The following SPIRE1 variants were observed in gnomAD, a reference collection of about 807,000 sequenced individuals.
The protein encoded by SPIRE1 is spire type actin nucleation factor 1, also known as protein spire homolog 1.
In SPIRE1, 40 loss-of-function variants were observed where a neutral mutation model predicts 94.1. That is an observed-to-expected ratio of 0.43 (90% CI 0.33 to 0.55). SPIRE1 has a LOEUF of 0.55. SPIRE1 is among the 20% of genes least tolerant of loss of function. The pLI is 0.06. For synonymous variants in SPIRE1, 376 were observed against 371.7 expected (o/e 1.01, Z -0.13); for missense variants, 838 against 975.2 (o/e 0.86, Z 1.87).
chr18:12,658,253 G>A (rs565726100), upstream of SPIRE1: 631 of 465,808 alleles, frequency 1.4e-3, 8 homozygotes, highest in Non-Finnish European at 5.9e-4. Context: ...ATGGCCGCAC[G>A]GTCTCTAGCC....
intron 3 of SPIRE1, among the ~76,000 whole-genome samples, chr18:12,542,101 C>T (rs945929217): frequency 5.3e-5 from 8 of 151,928 alleles, no homozygotes; most frequent in African/African-American, 9.7e-5. Context: ...CCCAGCCTCC[C>T]GAGTAGCTGG....
Position 12,457,135 on chromosome 18 carries a change from T to G in SPIRE1, c.1639-2652A>C, listed in dbSNP as rs547963209. On this transcript the variant is annotated intron_variant, in intron 12 of 16. Transcript: ENST00000409402. ...CATGAGCAACCGCGCCTGGCCATCA[T>G]GAGATATAATTTAAAAATAGTAGAT... Among the ~76,000 whole-genome samples the G allele has an allele frequency of 7.9e-5, 12 of 152,300 alleles. No homozygotes were observed. The South Asian group carries it at 2.5e-3, about 32-fold the overall frequency.
upstream of SPIRE1, chr18:12,658,503 G>A: frequency 2.2e-6 from 1 of 456,522 alleles, no homozygotes; most frequent in Non-Finnish European, 4.6e-6. Context: ...ACTCTGGCGG[G>A]GAACTGGGCG....
At chr18:12,638,144 T>C (rs1401144125) in intron 1 of SPIRE1, among the ~76,000 whole-genome samples, 2 of 152,108 alleles carry the variant, frequency 1.3e-5, no homozygotes, top group Non-Finnish European at 2.9e-5. Flanking sequence ...AATCCATTCA[T>C]TTTATACATG....
At chr18:12,547,236 A>T (rs774095999) in intron 2 of SPIRE1, among the ~76,000 whole-genome samples, 3 of 152,222 alleles carry the variant, frequency 2.0e-5, no homozygotes, top group Non-Finnish European at 4.4e-5. Flanking sequence ...GAAAGACTGA[A>T]AACTCACTTA....
chr18:12,532,892 G>A (rs2034726171), intron 4 of SPIRE1, among the ~76,000 whole-genome samples: 1 of 152,198 alleles, frequency 6.6e-6, no homozygotes, highest in Non-Finnish European at 1.5e-5. Flanking sequence ...GAAGAAGGGT[G>A]TTTCAACAAG....
chr18:12,459,649 A>G, intron 12 of SPIRE1: 1 of 617,998 alleles, frequency 1.6e-6, no homozygotes, highest in African/African-American at 2.0e-5. Flanking sequence ...GATTGGAAGC[A>G]AAGTGCTATC....
intron 2 of SPIRE1, among the ~76,000 whole-genome samples, chr18:12,558,281 C>A (rs1336044634): frequency 6.6e-6 from 1 of 152,094 alleles, no homozygotes; most frequent in Non-Finnish European, 1.5e-5. Flanking sequence ...TGTTACAGTT[C>A]TTAAAAGCGG....
intron 10 of SPIRE1, 37 bp from the exon 11 acceptor site, chr18:12,464,995 A>G: frequency 6.4e-7 from 1 of 1,574,364 alleles, no homozygotes; most frequent in Non-Finnish European, 8.7e-7. Flanking sequence ...GACTTCTTAG[A>G]CATTTGTGCT....
At chr18:12,528,498 T>G (rs761597726) in intron 4 of SPIRE1, among the ~76,000 whole-genome samples, 1 of 152,102 alleles carries the variant, frequency 6.6e-6, no homozygotes, top group African/African-American at 2.4e-5. Flanking sequence ...ACATTTCAGG[T>G]AGGTGCAGAG....
At chr18:12,558,852 G>C (rs1832630332) in intron 2 of SPIRE1, among the ~76,000 whole-genome samples, 2 of 152,076 alleles carry the variant, frequency 1.3e-5, no homozygotes, top group African/African-American at 4.8e-5. Flanking sequence ...TAGATACAGA[G>C]TGCTGACTCG....
intron 2 of SPIRE1, among the ~76,000 whole-genome samples, chr18:12,581,480 A>G (rs2036255105): frequency 6.6e-6 from 1 of 152,190 alleles, no homozygotes; most frequent in Admixed American, 6.5e-5. Flanking sequence ...AAAAGTAAAA[A>G]AGCCACACTA....
intron 10 of SPIRE1, among the ~76,000 whole-genome samples, chr18:12,473,043 C>T (rs1371788892): frequency 6.6e-6 from 1 of 152,210 alleles, no homozygotes; most frequent in Admixed American, 6.5e-5. Context: ...GATCCACTCA[C>T]CTTGGCCTCC....
chr18:12,485,489 G>T (rs1372005283), intron 9 of SPIRE1, among the ~76,000 whole-genome samples: 3 of 152,184 alleles, frequency 2.0e-5, no homozygotes, highest in Admixed American at 2.0e-4. Context: ...AAGAGTTCTT[G>T]CCCATCAACT....
rs1446381713 is a variant in SPIRE1 at position 12,658,103 on chromosome 18, C to G, written c.-237G>C. On this transcript the variant is annotated 5_prime_UTR_variant, in exon 1 of 17. Transcript: ENST00000409402. ...CCGCCGGCCGGTAGCGACGCGATGG[C>G]GTCCGGCGCCCCGCCCCGCCCCGCC... The G allele has an allele frequency of 3.5e-5, 34 of 985,010 alleles. No homozygotes were observed. In the South Asian group the frequency reaches 5.5e-4, roughly 16 times the overall value. The allele number at this position is 985,010 out of a possible 1,614,324, so 61.0% of individuals were successfully genotyped here.
intron 5 of SPIRE1, among the ~76,000 whole-genome samples, chr18:12,512,129 C>T (rs1272483392): frequency 6.6e-6 from 1 of 152,110 alleles, no homozygotes; most frequent in Non-Finnish European, 1.5e-5. Flanking sequence ...CTTTGAGAGG[C>T]CCAGGTGGGA....
chr18:12,556,891 C>A (rs985098491), intron 2 of SPIRE1, among the ~76,000 whole-genome samples: 5 of 152,098 alleles, frequency 3.3e-5, no homozygotes, highest in African/African-American at 1.2e-4. Flanking sequence ...CTTGGGCAGC[C>A]TGCTTTTATT....
chr18:12,593,978 A>C (rs2036604102), intron 2 of SPIRE1, among the ~76,000 whole-genome samples: 1 of 152,044 alleles, frequency 6.6e-6, no homozygotes, highest in African/African-American at 2.4e-5. Flanking sequence ...AGAAGAAGAA[A>C]GCATGCAATT....
In SPIRE1 at chr18:12,612,474, T is replaced by C. The variant is rs139072526; in HGVS notation, c.372+22588A>G. ...ACCCTCATTCCCTTGGTGATTTCAA[T>C]AGTTTCATATTTATATAGTCTTACA... On this transcript the variant is annotated intron_variant, in intron 2 of 16. Transcript: ENST00000409402. Among the ~76,000 whole-genome samples, 21 of 152,318 alleles carry C rather than the reference T, an allele frequency of 1.4e-4. No individual in the cohort carries two copies. In the East Asian group the frequency reaches 3.7e-3, roughly 27 times the overall value.
Sources: allele counts gnomAD v4.1 joint callset (sites outside exome capture counted in the v4.1 genomes callset), GRCh38; gene constraint gnomAD v4.1.1; transcripts MANE v1.5; gene names NCBI Gene and HGNC (gene_info 2026-07-23, HGNC 2026-07-21).